Variants in NCALD observed in about 807,000 individuals in gnomAD.
The protein encoded by NCALD is neurocalcin delta.
NCALD carries 10 observed loss-of-function variants against 18.6 expected under a neutral mutation model. The ratio of observed to expected loss-of-function variants is 0.54; its 90% CI spans 0.33 to 0.91. The LOEUF is 0.91. NCALD is among the 40% of genes least tolerant of loss of function. NCALD has a pLI of 0.03. For missense variants in NCALD, 184 were observed against 247.6 expected (o/e 0.74, Z 1.72); for synonymous variants, 88 against 87.4 (o/e 1.01, Z -0.04).
At chr8:101,959,562 A>G (rs1819760855) in intron 2 of NCALD, among the ~76,000 whole-genome samples, 1 of 152,168 alleles carries the variant, frequency 6.6e-6, no homozygotes, top group Admixed American at 6.5e-5. Context: ...TGTCTCATTC[A>G]CTGAGTTATA....
intron 4 of NCALD, among the ~76,000 whole-genome samples, chr8:101,809,289 TAAAA>T (rs1813221617): frequency 1.3e-5 from 2 of 151,898 alleles, no homozygotes; most frequent in South Asian, 4.2e-4. Flanking sequence ...ACTACAGGAG[TAAAA>T]ATGGCCTCTT....
At chr8:101,925,290 G>T (rs917150993) in intron 2 of NCALD, among the ~76,000 whole-genome samples, 6 of 152,090 alleles carry the variant, frequency 3.9e-5, no homozygotes, top group African/African-American at 1.4e-4. Flanking sequence ...ACTATAAGGG[G>T]TGTATTTATC....
At chr8:101,977,489 A>G (rs1820466613) in intron 2 of NCALD, among the ~76,000 whole-genome samples, 1 of 152,224 alleles carries the variant, frequency 6.6e-6, no homozygotes, top group Admixed American at 6.5e-5. Flanking sequence ...GCTAAAAGGC[A>G]TTTAAAAATG....
intron 4 of NCALD, among the ~76,000 whole-genome samples, chr8:101,802,034 C>G (rs1409115186): frequency 6.6e-6 from 1 of 152,076 alleles, no homozygotes; most frequent in Non-Finnish European, 1.5e-5. Context: ...ACAAACTGAA[C>G]GTTTGTGGCA....
At chr8:101,975,029 A>G (rs1008373105) in intron 2 of NCALD, among the ~76,000 whole-genome samples, 1 of 152,226 alleles carries the variant, frequency 6.6e-6, no homozygotes, top group African/African-American at 2.4e-5. Flanking sequence ...AGGTTTTTCA[A>G]TGCTTCTTAA....
intron 3 of NCALD, among the ~76,000 whole-genome samples, chr8:101,913,638 A>C (rs1240125704): frequency 6.6e-6 from 1 of 152,184 alleles, no homozygotes; most frequent in Non-Finnish European, 1.5e-5. Flanking sequence ...GCTGGAGTGC[A>C]AGGGCACAAT....
intron 1 of NCALD, among the ~76,000 whole-genome samples, chr8:101,730,596 C>T (rs1816785575): frequency 6.7e-6 from 1 of 149,242 alleles, no homozygotes; most frequent in Admixed American, 6.7e-5. Context: ...ATGGATTCAA[C>T]AAATAATCAA....
chr8:101,988,902 G>GAAA (rs35196499), intron 2 of NCALD, among the ~76,000 whole-genome samples: 3,770 of 65,626 alleles, frequency 0.057, 383 homozygotes, highest in African/African-American at 0.16. Context: ...GGTGCCAGCA[G>GAAA]AAAAAAAAAA....
At position 102,104,127 on chromosome 8, in the gene NCALD, C is replaced by T. The variant is rs947027031; in HGVS notation, c.-210+20110G>A. Among the ~76,000 whole-genome samples the T allele has an allele frequency of 3.9e-5, 6 of 152,222 alleles. No individual in the cohort carries two copies. The East Asian group carries it at 1.2e-3, about 29-fold the overall frequency. On this transcript the variant is annotated intron_variant, in intron 1 of 6. Transcript: ENST00000311028. The stretch of plus-strand genomic sequence containing the variant: ...TGAAGACTTGCTGGTTTAACCTCCA[C>T]ACGACTTCAAGTCCCTGATTATATA...
At chr8:102,026,926 T>A (rs1291821627) in intron 1 of NCALD, among the ~76,000 whole-genome samples, 1 of 152,242 alleles carries the variant, frequency 6.6e-6, no homozygotes, top group African/African-American at 2.4e-5. Flanking sequence ...ACATGAAAGC[T>A]GCCAAGGCCT....
At chr8:101,876,572 G>A (rs1004835051) in intron 4 of NCALD, among the ~76,000 whole-genome samples, 2 of 152,152 alleles carry the variant, frequency 1.3e-5, no homozygotes, top group Non-Finnish European at 1.5e-5. Context: ...TTGAGCCAAT[G>A]CCAGCTTTCA....
chr8:101,949,277 T>G (rs1274173026), intron 2 of NCALD, among the ~76,000 whole-genome samples: 1 of 152,158 alleles, frequency 6.6e-6, no homozygotes, highest in Non-Finnish European at 1.5e-5. Context: ...CCCAAGGTCA[T>G]GCAGAATGTA....
chr8:101,733,083 C>T (rs528050882), intron 1 of NCALD, among the ~76,000 whole-genome samples: 2 of 152,322 alleles, frequency 1.3e-5, no homozygotes, highest in African/African-American at 4.8e-5. Context: ...ACCCTCACCC[C>T]TTCCATGTCT....
chr8:101,946,204 C>T (rs1819165049), intron 2 of NCALD, among the ~76,000 whole-genome samples: 1 of 152,200 alleles, frequency 6.6e-6, no homozygotes, highest in East Asian at 1.9e-4. Context: ...GGGTAATTTA[C>T]AATCTTTGAT....
chr8:101,708,108 C>A (rs1357683874), intron 2 of NCALD, among the ~76,000 whole-genome samples: 3 of 152,170 alleles, frequency 2.0e-5, no homozygotes, highest in African/African-American at 7.2e-5. Flanking sequence ...CCCAGACAGA[C>A]TGTCCCCCAA....
intron 2 of NCALD, among the ~76,000 whole-genome samples, chr8:101,958,454 C>T (rs1268842679): frequency 6.6e-6 from 1 of 152,062 alleles, no homozygotes; most frequent in African/African-American, 2.4e-5. Context: ...GAGAAAACTC[C>T]TTGGAGTTCG....
At chr8:101,877,109 G>A (rs1816258404) in intron 4 of NCALD, among the ~76,000 whole-genome samples, 1 of 152,188 alleles carries the variant, frequency 6.6e-6, no homozygotes, top group Non-Finnish European at 1.5e-5. Flanking sequence ...CTCAGCTATT[G>A]TATATGTAGC....
chr8:101,858,327 G>C (rs1815402644), intron 4 of NCALD, among the ~76,000 whole-genome samples: 1 of 152,126 alleles, frequency 6.6e-6, no homozygotes, highest in Non-Finnish European at 1.5e-5. Flanking sequence ...GCCTTCAAAA[G>C]CCAGAAAAAG....
rs376482084 is a variant in NCALD, at chr8:101,902,071, G to A, written c.-107+13738C>T. On this transcript the variant is annotated intron_variant, in intron 3 of 6. Transcript: ENST00000311028. Reference sequence around the variant, plus strand: ...CTCCCAAAGTGCTGGGATTACAGGCGTGAGCCATCACACCCACTACATTCT... The same window carrying A: ...CTCCCAAAGTGCTGGGATTACAGGCATGAGCCATCACACCCACTACATTCT... Among the ~76,000 whole-genome samples the A allele has an allele frequency of 3.1e-4, 47 of 152,306 alleles. 1 individual carries two copies. Among genetic ancestry groups the A allele is most frequent in the African/African-American group, 9.4e-4 (39 of 41,562 alleles).
Sources: allele counts gnomAD v4.1 joint callset (sites outside exome capture counted in the v4.1 genomes callset), GRCh38; gene constraint gnomAD v4.1.1; transcripts MANE v1.5; gene names NCBI Gene and HGNC (gene_info 2026-07-23, HGNC 2026-07-21).